The following IL33 variants were observed in gnomAD, a reference collection of about 807,000 sequenced individuals.
IL33 encodes the protein interleukin 33, also known as interleukin-33.
Under a neutral mutation model 27.3 loss-of-function variants are expected in IL33, and 37 were observed. That is an observed-to-expected ratio of 1.36 (90% CI 1.04 to 1.78). The LOEUF (loss-of-function observed/expected upper bound fraction) is 1.78. IL33 is among the 40% of genes most tolerant of loss of function. The pLI is 0.00. For missense variants in IL33, 406 were observed against 311.4 expected (o/e 1.30, Z -2.29); for synonymous variants, 132 against 102.9 (o/e 1.28, Z -1.71).
chr9:6,248,705 G>A (rs1192533498), intron 2 of IL33, among the ~76,000 whole-genome samples: 1 of 151,874 alleles, frequency 6.6e-6, no homozygotes, highest in African/African-American at 2.4e-5. Flanking sequence ...CTCCCAAGTT[G>A]CTGAGACTAC....
chr9:6,250,656 T>C (rs530573996), intron 3 of IL33, 57 bp downstream of exon 3: 1 of 1,560,816 alleles, frequency 6.4e-7, no homozygotes, highest in Non-Finnish European at 8.7e-7. Context: ...TGCCTTCACT[T>C]ACCACATCTA....
In IL33 at chr9:6,256,283, G is replaced by T; in HGVS notation, c.*115G>T. The T allele has an allele frequency of 1.4e-6, 1 of 704,824 alleles. No homozygotes were observed. Among genetic ancestry groups the T allele is most frequent in the Admixed American group, 2.7e-5 (1 of 36,670 alleles). 43.7% of individuals were successfully genotyped at this position (704,824 alleles called of 1,614,324 possible). ...AAGGGAAATGAAGAGTGCTTAGCAT[G>T]TGTGGAATGTTTTCCATATTATGTA... On this transcript the variant is annotated 3_prime_UTR_variant, in exon 8 of 8. Transcript: ENST00000682010.
chr9:6,218,261 T>G (rs1171726534), intron 1 of IL33, among the ~76,000 whole-genome samples: 1 of 152,202 alleles, frequency 6.6e-6, no homozygotes, highest in Non-Finnish European at 1.5e-5. Context: ...TTAAGTAACC[T>G]AGATGTTTAT....
intron 2 of IL33, among the ~76,000 whole-genome samples, chr9:6,245,719 G>C (rs1819796579): frequency 6.6e-6 from 1 of 152,122 alleles, no homozygotes; most frequent in Non-Finnish European, 1.5e-5. Context: ...TGAATGAATT[G>C]TAAGAATGGA....
At chr9:6,247,454 C>G (rs1365253854) in intron 2 of IL33, among the ~76,000 whole-genome samples, 1 of 152,158 alleles carries the variant, frequency 6.6e-6, no homozygotes, top group Non-Finnish European at 1.5e-5. Context: ...TCTGTGGTTT[C>G]CTATCAGCCA....
Position 6,241,647 on chromosome 9 carries a change from G to C in IL33, c.-11-37G>C, listed in dbSNP as rs73639584. On this transcript the variant is annotated intron_variant, in intron 1 of 7. Coordinates refer to ENST00000682010, the MANE Select transcript of IL33 (RefSeq NM_033439.4). ...AGTTGTTTCCGTTTGTTTTTAAGTT[G>C]AGACAAATGAACTAATATTATATTT... 4,817 of 1,302,908 alleles carry C rather than the reference G, an allele frequency of 3.7e-3. 152 individuals are homozygous for C. In the African/African-American group the frequency reaches 0.062, roughly 17 times the overall value. 80.7% of individuals were successfully genotyped at this position (1,302,908 alleles called of 1,614,324 possible).
At position 6,252,862 on chromosome 9, in the gene IL33, A is replaced by G; in HGVS notation, c.344-4A>G. The stretch of plus-strand genomic sequence containing the variant: ...CTGACAAATTTTTGAATTCTTAACA[A>G]CAGGAATTTCACCTATTACAGAGTA... On this transcript the variant is annotated splice_region_variant and splice_polypyrimidine_tract_variant and intron_variant, in intron 4 of 7. Transcript: ENST00000682010. The G allele has an allele frequency of 4.4e-6, 7 of 1,598,012 alleles. No homozygotes were observed. The highest frequency in any genetic ancestry group is 6.0e-6 in the Non-Finnish European group (7 of 1,176,220).
At chr9:6,244,323 T>G (rs1819699769) in intron 2 of IL33, among the ~76,000 whole-genome samples, 1 of 152,212 alleles carries the variant, frequency 6.6e-6, no homozygotes, top group Non-Finnish European at 1.5e-5. Flanking sequence ...TAATATTGGC[T>G]CAGTTAAATA....
chr9:6,231,592 T>A (rs555956188), intron 1 of IL33, among the ~76,000 whole-genome samples: 1 of 152,360 alleles, frequency 6.6e-6, no homozygotes, highest in African/African-American at 2.4e-5. Context: ...AACATATTTG[T>A]ACAACTATGT....
Position 6,255,869 on chromosome 9 carries a change from C to A in IL33, c.613-99C>A, listed in dbSNP as rs995411552. On this transcript the variant is annotated intron_variant, in intron 7 of 7. Coordinates refer to ENST00000682010, the MANE Select transcript of IL33 (RefSeq NM_033439.4). ...AGCAAGCTTGCTAGAAATATCAAGT[C>A]ATAAATAAGTATTCCCCTTTAGTTT... is the stretch of plus-strand genomic sequence containing the variant. 6.5e-6 allele frequency: 6 copies of A among 927,768 alleles called. No homozygotes were observed. The African/African-American group carries it at 8.2e-5, about 13-fold the overall frequency. The allele number at this position is 927,768 out of a possible 1,614,324, so 57.5% of individuals were successfully genotyped here. A position where few individuals can be genotyped will look rare whatever the true frequency, so the allele number is the denominator to read the frequency against.
intron 4 of IL33, among the ~76,000 whole-genome samples, chr9:6,252,146 T>C (rs1179395622): frequency 1.3e-5 from 2 of 151,446 alleles, no homozygotes; most frequent in Non-Finnish European, 2.9e-5. Flanking sequence ...ATTCCTGCTA[T>C]AAATGTCCTA....
chr9:6,239,366 T>C lies in IL33; in HGVS notation c.-11-2318T>C, dbSNP rs551126689. Among the ~76,000 whole-genome samples, 5 of 152,128 alleles carry C rather than the reference T, an allele frequency of 3.3e-5. No homozygotes were observed. The South Asian group carries it at 1.0e-3, about 32-fold the overall frequency. On this transcript the variant is annotated intron_variant, in intron 1 of 7. Transcript: ENST00000682010. ...GGCATGTCCACAATGGAGGATTCTA[T>C]CCCCAACACGTGCACAGTAAGGGAA...
At chr9:6,225,463 T>C (rs1818584895) in intron 1 of IL33, among the ~76,000 whole-genome samples, 1 of 152,170 alleles carries the variant, frequency 6.6e-6, no homozygotes, top group Non-Finnish European at 1.5e-5. Context: ...ACTAGCTGTG[T>C]GACCTTGGGG....
chr9:6,251,625 A>T (rs1329479225), intron 4 of IL33, among the ~76,000 whole-genome samples: 3 of 152,164 alleles, frequency 2.0e-5, no homozygotes, highest in African/African-American at 7.2e-5. Context: ...TTATATTTTT[A>T]AATATAATTC....
intron 1 of IL33, among the ~76,000 whole-genome samples, chr9:6,233,542 A>T (rs1296068350): frequency 1.3e-5 from 2 of 152,166 alleles, no homozygotes; most frequent in Non-Finnish European, 2.9e-5. Flanking sequence ...TCACATCCCA[A>T]TATAAACCTC....
intron 1 of IL33, among the ~76,000 whole-genome samples, chr9:6,219,695 G>A (rs934087932): frequency 6.6e-6 from 1 of 152,102 alleles, no homozygotes; most frequent in South Asian, 2.1e-4. Flanking sequence ...GTTGTGATGG[G>A]TAAAACAAGT....
intron 2 of IL33, among the ~76,000 whole-genome samples, chr9:6,246,541 A>G (rs988158412): frequency 6.6e-6 from 1 of 152,144 alleles, no homozygotes; most frequent in Non-Finnish European, 1.5e-5. Flanking sequence ...CAGCCTGACA[A>G]CAGAGCGAGT....
chr9:6,254,298 C>T (rs1414931138), intron 6 of IL33, among the ~76,000 whole-genome samples, 164 bp from the exon 7 acceptor site: 1 of 152,188 alleles, frequency 6.6e-6, no homozygotes. Context: ...CTCTACTTAT[C>T]AGTGCCTCTT....
chr9:6,224,513 G>A (rs559653220), intron 1 of IL33, among the ~76,000 whole-genome samples: 3 of 152,186 alleles, frequency 2.0e-5, no homozygotes, highest in Non-Finnish European at 4.4e-5. Flanking sequence ...AACTATTCTT[G>A]TTAGCATTTG....
Sources: gnomAD v4.1 joint callset for allele counts (sites outside exome capture counted in the v4.1 genomes callset) on GRCh38, gnomAD v4.1.1 for gene constraint, MANE v1.5 for transcripts, NCBI Gene and HGNC (gene_info 2026-07-23, HGNC 2026-07-21) for gene names.